ULK4: variants seen among roughly 807,000 people sequenced by gnomAD.
The protein encoded by ULK4 is unc-51 like kinase 4.
Under a neutral mutation model 160.6 loss-of-function variants are expected in ULK4, and 133 were observed. That is an observed-to-expected ratio of 0.83 (90% CI 0.72 to 0.96). ULK4 has a LOEUF of 0.96. Among genes scored for constraint, ULK4 ranks in the 40% least tolerant of loss-of-function variants. The pLI, the probability that ULK4 is intolerant of heterozygous loss-of-function variation, is 0.00. For synonymous variants in ULK4, 534 were observed against 539.8 expected (o/e 0.99, Z 0.15); for missense variants, 1,580 against 1,499.5 (o/e 1.05, Z -0.89).
intron 35 of ULK4, among the ~76,000 whole-genome samples, chr3:41,263,725 C>T (rs1173301933): frequency 2.0e-5 from 3 of 152,164 alleles, no homozygotes; most frequent in Non-Finnish European, 4.4e-5. Context: ...ACCCAAGGCC[C>T]TCAGTCTAGT....
At chr3:41,715,995 C>A (rs1314935408) in intron 23 of ULK4, among the ~76,000 whole-genome samples, 1 of 151,472 alleles carries the variant, frequency 6.6e-6, no homozygotes, top group Admixed American at 6.6e-5. Context: ...GGGCAGATCA[C>A]GAGGTCAGGA....
intron 21 of ULK4, among the ~76,000 whole-genome samples, chr3:41,770,401 T>A (rs891172048): frequency 6.6e-6 from 1 of 152,106 alleles, no homozygotes; most frequent in Non-Finnish European, 1.5e-5. Context: ...TGTAGGGCGG[T>A]AACCACTTGT....
intron 32 of ULK4, among the ~76,000 whole-genome samples, chr3:41,527,300 A>G (rs1353394): frequency 0.14 from 20,786 of 152,186 alleles, 1,577 homozygotes; most frequent in Admixed American, 0.18. Context: ...CATTACTGGG[A>G]GAAACAAGGG....
intron 22 of ULK4, among the ~76,000 whole-genome samples, chr3:41,732,931 T>C (rs1441461355): frequency 6.6e-6 from 1 of 151,950 alleles, no homozygotes; most frequent in Non-Finnish European, 1.5e-5. Context: ...GAAGAGAATA[T>C]TGGTAACCAC....
rs535719154 is a variant in ULK4, at chr3:41,904,934, C to T, written c.1182+2911G>A. Among the ~76,000 whole-genome samples, 3 of 152,340 alleles carry T rather than the reference C, an allele frequency of 2.0e-5. No individual in the cohort carries two copies. In the South Asian group the frequency reaches 6.2e-4, roughly 32 times the overall value. ...TGGCAGTACTTCCTAAATTGATCTACACATTCAATGCAACTGTGATTAAAA... is the reference window on the plus strand; with the variant it reads ...TGGCAGTACTTCCTAAATTGATCTATACATTCAATGCAACTGTGATTAAAA... On this transcript the variant is annotated intron_variant, in intron 12 of 36. Coordinates refer to ENST00000301831, the MANE Select transcript of ULK4 (RefSeq NM_017886.4).
chr3:41,528,819 A>G (rs961271187), intron 32 of ULK4, among the ~76,000 whole-genome samples: 4 of 152,344 alleles, frequency 2.6e-5, no homozygotes, highest in African/African-American at 9.6e-5. Flanking sequence ...ATTGAAAAAT[A>G]AAACTGCAGT....
At chr3:41,297,775 C>G (rs963235328) in intron 35 of ULK4, among the ~76,000 whole-genome samples, 2 of 152,230 alleles carry the variant, frequency 1.3e-5, no homozygotes, top group Non-Finnish European at 2.9e-5. Context: ...CCTTGCCAGA[C>G]AGAAACACTG....
At chr3:41,884,182 C>G (rs953050805) in intron 16 of ULK4, among the ~76,000 whole-genome samples, 4 of 152,044 alleles carry the variant, frequency 2.6e-5, no homozygotes, top group African/African-American at 9.7e-5. Flanking sequence ...GCAACAGCGA[C>G]AAAATTTAAA....
intron 35 of ULK4, among the ~76,000 whole-genome samples, chr3:41,319,487 G>C (rs1040036276): frequency 2.0e-4 from 31 of 152,256 alleles, no homozygotes; most frequent in African/African-American, 6.0e-4. Flanking sequence ...GAACCTACAG[G>C]CCTCTGACTC....
rs367727147 is a variant in ULK4, at chr3:41,322,926, C to CGT, written c.3679-73354_3679-73353dup. Among the ~76,000 whole-genome samples, 12 of 151,494 alleles carry CGT rather than the reference C, an allele frequency of 7.9e-5. No homozygotes were observed. In the South Asian group the frequency reaches 1.9e-3, roughly 24 times the overall value. ...AGGCTCCACAAGTATATATAATAGC[C>CGT]GTGTGTGTGTGTACCATTTTTTTTT... is the stretch of plus-strand genomic sequence containing the variant. On this transcript the variant is annotated intron_variant, in intron 35 of 36. Transcript: ENST00000301831.
At chr3:41,751,089 A>T (rs1416112900) in intron 22 of ULK4, among the ~76,000 whole-genome samples, 1 of 151,888 alleles carries the variant, frequency 6.6e-6, no homozygotes, top group Non-Finnish European at 1.5e-5. Context: ...TCTTTCAAGT[A>T]CCATGTTTCC....
At chr3:41,717,179 G>C (rs927988577) in intron 23 of ULK4, among the ~76,000 whole-genome samples, 49 of 151,984 alleles carry the variant, frequency 3.2e-4, no homozygotes, top group Non-Finnish European at 6.6e-4. Flanking sequence ...TTATAGGTGG[G>C]TGACGGACAC....
At chr3:41,527,720 A>C (rs1423956193) in intron 32 of ULK4, among the ~76,000 whole-genome samples, 1 of 152,222 alleles carries the variant, frequency 6.6e-6, no homozygotes, top group Non-Finnish European at 1.5e-5. Flanking sequence ...CCTTTTCATG[A>C]GTATAAAAAA....
At chr3:41,577,270 A>G (rs2125623185) in intron 31 of ULK4, among the ~76,000 whole-genome samples, 1 of 152,360 alleles carries the variant, frequency 6.6e-6, no homozygotes, top group South Asian at 2.1e-4. Flanking sequence ...AAGCAAAGCA[A>G]GAAAATAAGC....
Position 41,889,907 on chromosome 3 carries a change from A to C in ULK4, c.1577+5611T>G, listed in dbSNP as rs1414501972. On this transcript the variant is annotated intron_variant, in intron 16 of 36. Transcript: ENST00000301831. ...AAGCAAAATGTGGTATAGCCACACA[A>C]GGATTATTCAGCTATAAAAAGAATG... Among the ~76,000 whole-genome samples, 8 of 152,362 alleles carry C rather than the reference A, an allele frequency of 5.3e-5. No homozygotes were observed. The East Asian group carries it at 5.8e-4, about 11-fold the overall frequency.
At chr3:41,623,437 C>T (rs919678999) in intron 30 of ULK4, among the ~76,000 whole-genome samples, 3 of 152,094 alleles carry the variant, frequency 2.0e-5, no homozygotes, top group African/African-American at 7.2e-5. Context: ...CAGCATTATC[C>T]ATAATAGACA....
chr3:41,589,863 A>G (rs771667397), intron 31 of ULK4, among the ~76,000 whole-genome samples: 2 of 152,194 alleles, frequency 1.3e-5, no homozygotes, highest in Non-Finnish European at 2.9e-5. Flanking sequence ...CAAAAAAATA[A>G]AGACCAGAAA....
At chr3:41,261,470 C>T (rs533725080) in intron 35 of ULK4, among the ~76,000 whole-genome samples, 14 of 152,296 alleles carry the variant, frequency 9.2e-5, no homozygotes, top group African/African-American at 2.9e-4. Flanking sequence ...CTTGAGACCA[C>T]GGCATCTTCA....
At chr3:41,757,125 TAAGAA>T in intron 21 of ULK4, among the ~76,000 whole-genome samples, 1 of 152,166 alleles carries the variant, frequency 6.6e-6, no homozygotes, top group South Asian at 2.1e-4. Context: ...TATCAATAAC[TAAGAA>T]AAGAACTTAA....
Sources: allele counts gnomAD v4.1 joint callset (sites outside exome capture counted in the v4.1 genomes callset), GRCh38; gene constraint gnomAD v4.1.1; transcripts MANE v1.5; gene names NCBI Gene and HGNC (gene_info 2026-07-23, HGNC 2026-07-21).